Variants in DLG2 observed in about 807,000 individuals in gnomAD.
DLG2 encodes discs large MAGUK scaffold protein 2, also known as disks large homolog 2.
DLG2 carries 45 observed loss-of-function variants against 132.5 expected under a neutral mutation model. The ratio of observed to expected loss-of-function variants is 0.34; its 90% CI spans 0.27 to 0.44. The LOEUF is 0.44. Ranked by LOEUF, DLG2 falls within the 20% of genes least tolerant of loss-of-function variation. The pLI, the probability that DLG2 is intolerant of heterozygous loss-of-function variation, is 1.00. For missense variants in DLG2, 1,045 were observed against 1,196.9 expected (o/e 0.87, Z 1.87); for synonymous variants, 424 against 419.6 (o/e 1.01, Z -0.13).
intron 6 of DLG2, among the ~76,000 whole-genome samples, chr11:84,811,489 AGTCTT>A (rs1403861226): frequency 6.6e-6 from 1 of 152,140 alleles, no homozygotes; most frequent in African/African-American, 2.4e-5. Flanking sequence ...TTATTCAGTC[AGTCTT>A]ACTTTTTTTT....
At chr11:85,568,077 C>A (rs7934482) in intron 3 of DLG2, among the ~76,000 whole-genome samples, 1 of 148,880 alleles carries the variant, frequency 6.7e-6, no homozygotes. Context: ...TGCAATGGCG[C>A]GATCTTGGCT....
chr11:84,536,413 G>C (rs1326986303), intron 6 of DLG2, among the ~76,000 whole-genome samples: 2 of 145,548 alleles, frequency 1.4e-5, no homozygotes, highest in Admixed American at 1.4e-4. Flanking sequence ...CTGCTTAGTA[G>C]AAAAAAAAAA....
chr11:85,538,813 G>A (rs2075779092), intron 3 of DLG2, among the ~76,000 whole-genome samples: 2 of 151,662 alleles, frequency 1.3e-5, no homozygotes, highest in South Asian at 4.1e-4. Flanking sequence ...ACACAGGGAG[G>A]GAAACAATGC....
At chr11:84,369,113 T>A (rs2098695868) in intron 7 of DLG2, among the ~76,000 whole-genome samples, 1 of 152,140 alleles carries the variant, frequency 6.6e-6, no homozygotes, top group African/African-American at 2.4e-5. Context: ...ATTTTTATAC[T>A]GCAATATGGC....
chr11:85,078,061 A>G (rs541066472), intron 6 of DLG2, among the ~76,000 whole-genome samples: 1 of 151,958 alleles, frequency 6.6e-6, no homozygotes, highest in Non-Finnish European at 1.5e-5. Context: ...CATTTATTCA[A>G]CAAACATTCA....
At chr11:84,458,954 T>A (rs1027277764) in intron 7 of DLG2, among the ~76,000 whole-genome samples, 10 of 150,564 alleles carry the variant, frequency 6.6e-5, no homozygotes, top group African/African-American at 2.4e-4. Flanking sequence ...GTAATAACAA[T>A]CCCCATTTTT....
chr11:84,913,144 A>G (rs1482418267), intron 6 of DLG2, among the ~76,000 whole-genome samples: 1 of 152,204 alleles, frequency 6.6e-6, no homozygotes, highest in Non-Finnish European at 1.5e-5. Context: ...AATGTTTTCA[A>G]TCTAAGTGCC....
intron 14 of DLG2, among the ~76,000 whole-genome samples, chr11:83,935,953 C>A (rs1433478745): frequency 6.6e-6 from 1 of 152,118 alleles, no homozygotes; most frequent in East Asian, 1.9e-4. Flanking sequence ...GAAATAGGAA[C>A]AATGTGCATA....
At chr11:83,774,075 T>A (rs1216024735) in intron 18 of DLG2, among the ~76,000 whole-genome samples, 1 of 152,174 alleles carries the variant, frequency 6.6e-6, no homozygotes, top group Non-Finnish European at 1.5e-5. Flanking sequence ...CCAGGTTGTC[T>A]CCTCCTACAC....
intron 3 of DLG2, among the ~76,000 whole-genome samples, chr11:85,358,657 T>A (rs145743243): frequency 6.6e-6 from 1 of 152,346 alleles, no homozygotes; most frequent in Non-Finnish European, 1.5e-5. Flanking sequence ...GCTTCAAGTG[T>A]TATCAATAAT....
intron 6 of DLG2, among the ~76,000 whole-genome samples, chr11:84,899,876 A>G (rs2154069798): frequency 6.6e-6 from 1 of 152,152 alleles, no homozygotes; most frequent in African/African-American, 2.4e-5. Context: ...GCCCTTCTGG[A>G]GGCTGCAATA....
chr11:84,296,810 G>A lies in DLG2; in HGVS notation c.520-45519C>T, dbSNP rs531522952. ...AAAGCTAAAATATTTTTTCAGTAGG[G>A]TGAATTGATGATTTCCTTCTCAGCA... is the stretch of plus-strand genomic sequence containing the variant. On this transcript the variant is annotated intron_variant, in intron 7 of 27. Coordinates refer to ENST00000376104, the MANE Select transcript of DLG2 (RefSeq NM_001142699.3). Among the ~76,000 whole-genome samples, 48 of 152,220 alleles carry A rather than the reference G, an allele frequency of 3.2e-4. No homozygotes were observed. The South Asian group carries it at 7.9e-3, about 25-fold the overall frequency.
intron 6 of DLG2, among the ~76,000 whole-genome samples, chr11:84,946,445 T>C (rs1274564056): frequency 6.6e-6 from 1 of 152,026 alleles, no homozygotes; most frequent in African/African-American, 2.4e-5. Context: ...CTGCCAGGAC[T>C]GTGTTATTCC....
At chr11:84,939,213 A>G (rs1354403567) in intron 6 of DLG2, among the ~76,000 whole-genome samples, 10 of 152,168 alleles carry the variant, frequency 6.6e-5, no homozygotes, top group Non-Finnish European at 1.5e-4. Context: ...CTATACAAAA[A>G]AATGGCCAGA....
intron 3 of DLG2, among the ~76,000 whole-genome samples, chr11:85,504,364 T>C (rs2093878267): frequency 2.0e-5 from 3 of 152,318 alleles, no homozygotes; most frequent in African/African-American, 7.2e-5. Context: ...TTTAAGTCTT[T>C]AATCCATCTT....
At chr11:84,186,205 T>C (rs1203078157) in intron 8 of DLG2, among the ~76,000 whole-genome samples, 1 of 152,150 alleles carries the variant, frequency 6.6e-6, no homozygotes, top group African/African-American at 2.4e-5. Context: ...TAAATGAATG[T>C]TTTTCATCAG....
intron 15 of DLG2, among the ~76,000 whole-genome samples, chr11:83,877,694 C>T (rs1017288112): frequency 6.6e-6 from 1 of 152,082 alleles, no homozygotes; most frequent in Non-Finnish European, 1.5e-5. Flanking sequence ...GAGCCTTTTC[C>T]AAAATGTAAT....
At chr11:84,412,350 C>T (rs1775325358) in intron 7 of DLG2, among the ~76,000 whole-genome samples, 1 of 151,488 alleles carries the variant, frequency 6.6e-6, no homozygotes, top group African/African-American at 2.4e-5. Flanking sequence ...ATACTATGTA[C>T]TTGATTTTAC....
At chr11:84,491,111 G>A (rs1343030368) in intron 7 of DLG2, among the ~76,000 whole-genome samples, 3 of 152,042 alleles carry the variant, frequency 2.0e-5, no homozygotes, top group Non-Finnish European at 4.4e-5. Flanking sequence ...GAGGTAGAAT[G>A]TCAGAGCACA....
Sources: gnomAD v4.1 joint callset for allele counts (sites outside exome capture counted in the v4.1 genomes callset) on GRCh38, gnomAD v4.1.1 for gene constraint, MANE v1.5 for transcripts, NCBI Gene and HGNC (gene_info 2026-07-23, HGNC 2026-07-21) for gene names.